ZCCHC7: variants seen among roughly 807,000 people sequenced by gnomAD.
ZCCHC7 encodes zinc finger CCHC-type containing 7, also known as zinc finger CCHC domain-containing protein 7.
Under a neutral mutation model 52.0 loss-of-function variants are expected in ZCCHC7, and 35 were observed. The ratio of observed to expected loss-of-function variants is 0.67; its 90% CI spans 0.51 to 0.89. The LOEUF is 0.89. Ranked by LOEUF, ZCCHC7 falls within the 40% of genes least tolerant of loss-of-function variation. The probability of loss-of-function intolerance (pLI) is 0.00; values close to 1 mark genes in which losing one functional copy is unlikely to be tolerated. For synonymous variants in ZCCHC7, 217 were observed against 221.5 expected, an observed-to-expected ratio of 0.98 and a Z score of 0.18; for missense variants, 574 against 649.1, an observed-to-expected ratio of 0.88 and a Z score of 1.26.
chr9:37,144,407 A>G (rs1316983705), intron 2 of ZCCHC7, among the ~76,000 whole-genome samples: 1 of 151,934 alleles, frequency 6.6e-6, no homozygotes, highest in Non-Finnish European at 1.5e-5. Context: ...TCCTAACATC[A>G]TATGTTATTT....
At chr9:37,317,543 C>G (rs1005134409) in intron 5 of ZCCHC7, among the ~76,000 whole-genome samples, 1 of 151,838 alleles carries the variant, frequency 6.6e-6, no homozygotes, top group Non-Finnish European at 1.5e-5. Context: ...GAGAGTTCAT[C>G]TCAAAAAAAG....
intron 2 of ZCCHC7, among the ~76,000 whole-genome samples, chr9:37,226,607 A>AT (rs1825118065): frequency 6.6e-6 from 1 of 152,216 alleles, no homozygotes; most frequent in Admixed American, 6.5e-5. Context: ...TTTTCAGCAA[A>AT]TTGGTGCTGG....
chr9:37,221,844 G>A (rs1024037575), intron 2 of ZCCHC7, among the ~76,000 whole-genome samples: 13 of 152,026 alleles, frequency 8.6e-5, no homozygotes, highest in Non-Finnish European at 1.8e-4. Flanking sequence ...GGAAACTAGT[G>A]GAGTATGTAA....
At chr9:37,256,987 A>G (rs1402565477) in intron 2 of ZCCHC7, among the ~76,000 whole-genome samples, 2 of 152,190 alleles carry the variant, frequency 1.3e-5, no homozygotes, top group Non-Finnish European at 2.9e-5. Flanking sequence ...ATAACAAAAG[A>G]CAGAAGTTTA....
At chr9:37,243,711 G>A (rs927258165) in intron 2 of ZCCHC7, among the ~76,000 whole-genome samples, 1 of 151,824 alleles carries the variant, frequency 6.6e-6, no homozygotes, top group African/African-American at 2.4e-5. Flanking sequence ...TGGTTGATTT[G>A]AATACAACAA....
At chr9:37,267,277 A>G (rs1827150424) in intron 2 of ZCCHC7, among the ~76,000 whole-genome samples, 1 of 152,230 alleles carries the variant, frequency 6.6e-6, no homozygotes, top group South Asian at 2.1e-4. Context: ...CAGTATACTC[A>G]GCCCTAGAAC....
At chr9:37,311,683 T>G (rs1829608709) in intron 5 of ZCCHC7, among the ~76,000 whole-genome samples, 1 of 152,230 alleles carries the variant, frequency 6.6e-6, no homozygotes, top group African/African-American at 2.4e-5. Flanking sequence ...GCGCTGGGGT[T>G]AACAGGCGTG....
intron 2 of ZCCHC7, among the ~76,000 whole-genome samples, chr9:37,196,921 A>G (rs763073152): frequency 6.6e-6 from 1 of 152,164 alleles, no homozygotes; most frequent in African/African-American, 2.4e-5. Flanking sequence ...CTCTTGTATT[A>G]ATGACAACAT....
intron 2 of ZCCHC7, among the ~76,000 whole-genome samples, chr9:37,246,958 T>C (rs778059030): frequency 2.6e-5 from 4 of 152,198 alleles, no homozygotes; most frequent in Non-Finnish European, 5.9e-5. Flanking sequence ...AAACCTACTC[T>C]CTTAGCAATT....
intron 2 of ZCCHC7, among the ~76,000 whole-genome samples, chr9:37,237,699 C>T (rs1224928374): frequency 1.3e-5 from 2 of 152,114 alleles, no homozygotes; most frequent in Non-Finnish European, 2.9e-5. Flanking sequence ...GTGCTTTTAA[C>T]CTTTAGAAGA....
intron 5 of ZCCHC7, among the ~76,000 whole-genome samples, chr9:37,320,987 C>CTTTT (rs11303114): frequency 3.4e-5 from 4 of 116,224 alleles, no homozygotes; most frequent in Admixed American, 9.4e-5. Context: ...TTTCTTTTTT[C>CTTTT]TTTTTTTTTT....
At chr9:37,297,550 A>C (rs766599348) in intron 2 of ZCCHC7, among the ~76,000 whole-genome samples, 6 of 152,228 alleles carry the variant, frequency 3.9e-5, no homozygotes, top group Non-Finnish European at 8.8e-5. Context: ...GGTGAAATAT[A>C]ATAATGAGTT....
chr9:37,227,818 T>C (rs1825191659), intron 2 of ZCCHC7, among the ~76,000 whole-genome samples: 1 of 152,226 alleles, frequency 6.6e-6, no homozygotes, highest in African/African-American at 2.4e-5. Context: ...TCTTTTCTTT[T>C]TTTTGAGACA....
intron 2 of ZCCHC7, among the ~76,000 whole-genome samples, chr9:37,195,814 G>A (rs1464923440): frequency 6.6e-6 from 1 of 152,134 alleles, no homozygotes; most frequent in Non-Finnish European, 1.5e-5. Context: ...TACTAGGTTG[G>A]TAATGGTACT....
At chr9:37,347,168 C>T (rs1006338162) in intron 6 of ZCCHC7, among the ~76,000 whole-genome samples, 3 of 152,034 alleles carry the variant, frequency 2.0e-5, no homozygotes, top group Non-Finnish European at 4.4e-5. Flanking sequence ...CCACCACCTC[C>T]TCAGAGGTCT....
intron 2 of ZCCHC7, among the ~76,000 whole-genome samples, chr9:37,155,689 T>A (rs1005620438): frequency 3.3e-5 from 5 of 152,248 alleles, no homozygotes; most frequent in African/African-American, 1.2e-4. Context: ...TGTTCTCAGA[T>A]AATAGCCTTG....
At chr9:37,128,893 G>A (rs750186213) in intron 2 of ZCCHC7, among the ~76,000 whole-genome samples, 4 of 152,108 alleles carry the variant, frequency 2.6e-5, no homozygotes, top group Admixed American at 1.3e-4. Flanking sequence ...CACTATAGAA[G>A]GCCAAAATAA....
At chr9:37,242,762 A>G (rs1217887082) in intron 2 of ZCCHC7, among the ~76,000 whole-genome samples, 1 of 151,802 alleles carries the variant, frequency 6.6e-6, no homozygotes, top group East Asian at 1.9e-4. Context: ...TTTTATATTT[A>G]CATTTTACAT....
chr9:37,249,636 G>A (rs1826232059), intron 2 of ZCCHC7, among the ~76,000 whole-genome samples: 1 of 151,990 alleles, frequency 6.6e-6, no homozygotes, highest in Admixed American at 6.6e-5. Flanking sequence ...ATCTTTAGTA[G>A]AGATGGGGTT....
Sources: allele counts gnomAD v4.1 joint callset (sites outside exome capture counted in the v4.1 genomes callset), GRCh38; gene constraint gnomAD v4.1.1; transcripts MANE v1.5; gene names NCBI Gene and HGNC (gene_info 2026-07-23, HGNC 2026-07-21).